Variants in CELF5 observed in about 807,000 individuals in gnomAD.
The protein encoded by CELF5 is CUG-BP and ETR-3 like factor 5.
A neutral mutation model predicts 54.9 loss-of-function variants in CELF5; 6 were observed. The observed-to-expected ratio is 0.11, with a 90% confidence interval of 0.06 to 0.22. The LOEUF (loss-of-function observed/expected upper bound fraction) is 0.22. CELF5 is among the 10% of genes least tolerant of loss of function. The pLI is 1.00. For synonymous variants in CELF5, 271 were observed against 290.9 expected, an observed-to-expected ratio of 0.93 and a Z score of 0.70; for missense variants, 401 against 678.6, an observed-to-expected ratio of 0.59 and a Z score of 4.54.
chr19:3,274,972 T>C (rs531238611), intron 3 of CELF5, among the ~76,000 whole-genome samples: 1 of 152,082 alleles, frequency 6.6e-6, no homozygotes, highest in South Asian at 2.1e-4. Context: ...ATCCCTCTTA[T>C]TCTCTCTGTC....
At chr19:3,250,854 A>G (rs2079638064) in intron 1 of CELF5, 131 bp from the exon 2 acceptor site, 1 of 648,990 alleles carries the variant, frequency 1.5e-6, no homozygotes, top group South Asian at 1.9e-5. Context: ...TGGATGCACC[A>G]GGTTGTGTAG....
chr19:3,291,937 T>G (rs945636823), intron 11 of CELF5, among the ~76,000 whole-genome samples: 8 of 151,976 alleles, frequency 5.3e-5, no homozygotes, highest in East Asian at 3.9e-4. Context: ...AGACTCTTTT[T>G]TTTTGTTTTG....
Position 3,251,082 on chromosome 19 carries a change from G to A in CELF5, c.342+15G>A. On this transcript the variant is annotated intron_variant, in intron 2 of 12. Coordinates refer to ENST00000292672, the MANE Select transcript of CELF5 (RefSeq NM_021938.4). Reference sequence around the variant, plus strand: ...CCTTGCCCGGAGTGAGTCCTGTGTGGTGTCTGGGGAGGAGGGGACAGGGGA... The same window carrying A: ...CCTTGCCCGGAGTGAGTCCTGTGTGATGTCTGGGGAGGAGGGGACAGGGGA... 6.2e-7 allele frequency: 1 copy of A among 1,608,494 alleles called. No homozygotes were observed. The highest frequency in any genetic ancestry group is 8.5e-7 in the Non-Finnish European group (1 of 1,175,006).
At chr19:3,289,462 A>G (rs1340705534) in intron 10 of CELF5, among the ~76,000 whole-genome samples, 1 of 151,992 alleles carries the variant, frequency 6.6e-6, no homozygotes, top group African/African-American at 2.4e-5. Context: ...CGGGCAGATC[A>G]CTTGAGGTCA....
At chr19:3,261,662 A>C (rs1393996025) in intron 2 of CELF5, among the ~76,000 whole-genome samples, 1 of 151,514 alleles carries the variant, frequency 6.6e-6, no homozygotes, top group Non-Finnish European at 1.5e-5. Flanking sequence ...TCTACAAAAA[A>C]TTTTAAAAAC....
At chr19:3,247,068 G>T (rs1475596952) in intron 1 of CELF5, among the ~76,000 whole-genome samples, 1 of 152,190 alleles carries the variant, frequency 6.6e-6, no homozygotes, top group Non-Finnish European at 1.5e-5. Flanking sequence ...CCTGCAGGAT[G>T]GAGGGGGTTG....
intron 10 of CELF5, among the ~76,000 whole-genome samples, chr19:3,289,681 CAAAAAAAAAAAAAAAAAAAA>C (rs35144942): frequency 2.1e-5 from 1 of 47,136 alleles, no homozygotes. Context: ...GACTCCATCT[CAAAAAAAAAAAAAAAAAAAA>C]AAAAAAAAAA....
intron 10 of CELF5, among the ~76,000 whole-genome samples, chr19:3,289,681 CAAAAAAAA>C (rs35144942): frequency 3.7e-3 from 174 of 47,090 alleles, no homozygotes; most frequent in African/African-American, 6.9e-3. Flanking sequence ...GACTCCATCT[CAAAAAAAA>C]AAAAAAAAAA....
rs147273114 is a variant in CELF5 at position 3,278,062 on chromosome 19, G to A, written c.555G>A (p.Thr185=). Residue 185 remains threonine (T), a synonymous_variant, in exon 5 of 13, where the codon ACG becomes ACA. Coordinates refer to ENST00000292672, the MANE Select transcript of CELF5 (RefSeq NM_021938.4). This position sits in a 1 kb window ranked among gnomAD's most constrained non-coding sequence, Gnocchi z 4.5. ...GCAFVKFSSH[T]EAQAAIHALH... is the part of the protein sequence containing the mutation. ...CTTTCGTGAAGTTCTCCTCCCACACGGAGGCGCAGGCGGCCATCCACGCCT... is the reference window on the plus strand; with the variant it reads ...CTTTCGTGAAGTTCTCCTCCCACACAGAGGCGCAGGCGGCCATCCACGCCT... 280 of 1,613,624 alleles carry A rather than the reference G, an allele frequency of 1.7e-4. 1 individual carries two copies. In the Middle Eastern group the frequency reaches 2.3e-3, roughly 13 times the overall value.
chr19:3,245,195 GTGTT>G (rs2079548865), intron 1 of CELF5, among the ~76,000 whole-genome samples: 1 of 149,384 alleles, frequency 6.7e-6, no homozygotes. Flanking sequence ...TGTGTGGTGT[GTGTT>G]TGCATCTGTG....
chr19:3,253,631 G>T (rs1022357226), intron 2 of CELF5, among the ~76,000 whole-genome samples: 1 of 152,166 alleles, frequency 6.6e-6, no homozygotes, highest in African/African-American at 2.4e-5. Flanking sequence ...GCAGAGCAGG[G>T]GGGGCAAAGG....
chr19:3,242,804 T>TA lies in CELF5; in HGVS notation c.260-8171dup, dbSNP rs71339019. The stretch of plus-strand genomic sequence containing the variant: ...CTGGGCAACAGAGCAAGACTCTATC[T>TA]AAAAAAAAAATTAGCTGGGCTTGGT... On this transcript the variant is annotated intron_variant, in intron 1 of 12. Transcript: ENST00000292672. Among the ~76,000 whole-genome samples, 902 of 149,274 alleles carry TA rather than the reference T, an allele frequency of 6.0e-3. 7 individuals carry two copies. Among genetic ancestry groups the TA allele is most frequent in the African/African-American group, 0.02 (827 of 40,758 alleles).
intron 8 of CELF5, among the ~76,000 whole-genome samples, chr19:3,283,170 A>G (rs2080179978): frequency 6.6e-6 from 1 of 152,218 alleles, no homozygotes; most frequent in African/African-American, 2.4e-5. Flanking sequence ...TCAACACAGA[A>G]TGAATGACCC....
At position 3,228,915 on chromosome 19, in the gene CELF5, T is replaced by TGC. The variant is rs60732050; in HGVS notation, c.259+3917_259+3918insGC. 0.1 allele frequency among the ~76,000 whole-genome samples: 14,956 copies of TGC among 143,448 alleles called. 1,387 individuals carry two copies. The highest frequency in any genetic ancestry group is 0.16 in the East Asian group (754 of 4,622). The allele number at this position is 143,448 out of a possible 152,430, so 94.1% of individuals were successfully genotyped here. ...GTGTGTGTGTGTGTGTGTGTGTGTG[T>TGC]ACGCGGGCGCGCGCCTGGGAAGGAC... On this transcript the variant is annotated intron_variant, in intron 1 of 12. Coordinates refer to ENST00000292672, the MANE Select transcript of CELF5 (RefSeq NM_021938.4). The surrounding 1 kb of genome is among the most constrained non-coding windows in gnomAD (Gnocchi z 6.0).
At chr19:3,270,108 A>G (rs2079936398) in intron 2 of CELF5, among the ~76,000 whole-genome samples, 1 of 150,526 alleles carries the variant, frequency 6.6e-6, no homozygotes, top group South Asian at 2.1e-4. Context: ...TTGGCTCTTC[A>G]CTCTCCTCTA....
At position 3,290,330 on chromosome 19, in the gene CELF5, C is replaced by A. The variant is rs2080322049; in HGVS notation, c.1286C>A (p.Ser429Tyr). 6.2e-7 allele frequency: 1 copy of A among 1,614,050 alleles called. No individual in the cohort carries two copies. Among genetic ancestry groups the A allele is most frequent in the African/African-American group, 1.3e-5 (1 of 75,026 alleles). ...MFLPFGNIISSKVFMDRATNQ... is the reference protein window; with the variant it reads ...MFLPFGNIISYKVFMDRATNQ... The stretch of plus-strand genomic sequence containing the variant: ...CTACCCTTCGGCAATATCATTTCCT[C>A]CAAGGTGTTTATGGATCGAGCTACC... Residue 429 changes from serine (S) to tyrosine (Y), a missense_variant, in exon 11 of 13, where the codon TCC becomes TAC. By Grantham distance (144) the Ser-to-Tyr change is moderately radical (BLOSUM62 -2). Coordinates refer to ENST00000292672, the MANE Select transcript of CELF5 (RefSeq NM_021938.4).
intron 11 of CELF5, among the ~76,000 whole-genome samples, chr19:3,292,227 G>A (rs980127871): frequency 6.6e-6 from 1 of 151,600 alleles, no homozygotes; most frequent in Non-Finnish European, 1.5e-5. Context: ...AATTACAGAC[G>A]TGAACCACCA....
At chr19:3,272,211 CA>C (rs199500623) in intron 2 of CELF5, among the ~76,000 whole-genome samples, 1 of 151,414 alleles carries the variant, frequency 6.6e-6, no homozygotes, top group Non-Finnish European at 1.5e-5. Context: ...ACTAAAAATA[CA>C]AAAAAAATTA....
intron 2 of CELF5, among the ~76,000 whole-genome samples, chr19:3,258,385 G>C (rs1411908100): frequency 6.6e-6 from 1 of 151,612 alleles, no homozygotes; most frequent in Admixed American, 6.6e-5. Context: ...GCCTCCCAAA[G>C]TGCTGGGATT....
Sources: gnomAD v4.1 joint callset for allele counts (sites outside exome capture counted in the v4.1 genomes callset) on GRCh38, gnomAD v4.1.1 for gene constraint, Gnocchi (gnomAD v3.1) non-coding constraint, MANE v1.5 for transcripts, NCBI Gene and HGNC (gene_info 2026-07-23, HGNC 2026-07-21) for gene names.